Variants in C20orf203 observed in about 807,000 individuals in gnomAD.
The protein encoded by C20orf203 is chromosome 20 open reading frame 203.
C20orf203 carries 16 observed loss-of-function variants against 15.9 expected under a neutral mutation model. The ratio of observed to expected loss-of-function variants is 1.01; its 90% confidence interval spans 0.68 to 1.53. C20orf203 has a LOEUF of 1.53. Ranked by LOEUF, C20orf203 falls within the 40% of genes most tolerant of loss-of-function variation. The pLI, the probability that C20orf203 is intolerant of heterozygous loss-of-function variation, is 0.00. For missense variants in C20orf203, 263 were observed against 247.5 expected, an observed-to-expected ratio of 1.06 and a Z score of -0.42; for synonymous variants, 98 against 97.2, an observed-to-expected ratio of 1.01 and a Z score of -0.05.
chr20:32,637,271 G>A (rs1198461375), intron 5 of C20orf203, among the ~76,000 whole-genome samples: 1 of 152,150 alleles, frequency 6.6e-6, no homozygotes, highest in African/African-American at 2.4e-5. Context: ...AAATTAGCTG[G>A]GCGTGGTGGC....
intron 1 of C20orf203, among the ~76,000 whole-genome samples, chr20:32,654,506 T>C (rs1338192201): frequency 6.6e-6 from 1 of 152,106 alleles, no homozygotes; most frequent in Non-Finnish European, 1.5e-5. Flanking sequence ...AAAATTCATA[T>C]GGAAATTTAA....
chr20:32,643,625 C>CACACA (rs1982342367), intron 4 of C20orf203, among the ~76,000 whole-genome samples: 1 of 140,742 alleles, frequency 7.1e-6, no homozygotes, highest in African/African-American at 2.7e-5. Flanking sequence ...CTTCCTGGAA[C>CACACA]CACACACACA....
rs568042786 is a variant in C20orf203 at position 32,632,648 on chromosome 20, C to T, written c.*2922G>A. ...CGGGACCGCCTCGTTCTTTTTCATG[C>T]CTAGAATTCCATGGCATGCAAAAGT... On this transcript the variant is annotated 3_prime_UTR_variant, in exon 6 of 6. Transcript: ENST00000608990. 6.6e-6 allele frequency: 1 copy of T among 152,124 alleles called. No homozygotes were observed. The highest frequency in any genetic ancestry group is 1.5e-5 in the Non-Finnish European group (1 of 68,034). 9.4% of individuals were successfully genotyped at this position (152,124 alleles called of 1,614,324 possible).
At chr20:32,640,207 C>T (rs1982242728) in intron 5 of C20orf203, among the ~76,000 whole-genome samples, 1 of 152,124 alleles carries the variant, frequency 6.6e-6, no homozygotes, top group Non-Finnish European at 1.5e-5. Flanking sequence ...CAGTAGTTAT[C>T]CCTAGGTGAT....
chr20:32,653,016 G>A (rs1206779429), intron 1 of C20orf203, among the ~76,000 whole-genome samples: 1 of 152,184 alleles, frequency 6.6e-6, no homozygotes, highest in Admixed American at 6.5e-5. Flanking sequence ...AGCACAGCCA[G>A]CAGCTCCTGG....
intron 1 of C20orf203, among the ~76,000 whole-genome samples, chr20:32,652,736 TG>T (rs533099671): frequency 6.6e-6 from 1 of 151,994 alleles, no homozygotes; most frequent in African/African-American, 2.4e-5. Context: ...CGCACCAGTT[TG>T]GGGGGCTTCC....
chr20:32,665,989 C>T lies in C20orf203; in HGVS notation c.-264+7643G>A, dbSNP rs575130333. Among the ~76,000 whole-genome samples, 529 of 151,074 alleles carry T rather than the reference C, an allele frequency of 3.5e-3. 11 individuals are homozygous for T. The highest frequency in any genetic ancestry group is 0.01 in the Middle Eastern group (3 of 294). On this transcript the variant is annotated intron_variant, in intron 1 of 5. Transcript: ENST00000608990. ...TTTTAAAAGATGAAGTGAAATTAGC[C>T]GGGTGTGCTGGCGCATGCCTGTAGT... is the stretch of plus-strand genomic sequence containing the variant.
chr20:32,665,194 C>G (rs1224691099), intron 1 of C20orf203, among the ~76,000 whole-genome samples: 1 of 152,198 alleles, frequency 6.6e-6, no homozygotes, highest in East Asian at 1.9e-4. Context: ...GGGTTCTGCT[C>G]AGAGGATTCT....
At chr20:32,673,367 G>A (rs1350170032) in intron 1 of C20orf203, among the ~76,000 whole-genome samples, 2 of 152,286 alleles carry the variant, frequency 1.3e-5, no homozygotes, top group Admixed American at 6.5e-5. Flanking sequence ...AGAGCACAGG[G>A]CGGAAGTGGC....
chr20:32,640,873 C>T (rs1288917823), intron 4 of C20orf203, among the ~76,000 whole-genome samples, 186 bp from the exon 5 acceptor site: 5 of 152,178 alleles, frequency 3.3e-5, no homozygotes, highest in Non-Finnish European at 5.9e-5. Flanking sequence ...ACATTTCATA[C>T]AAATGGATTC....
At chr20:32,646,595 G>T (rs575924778) in intron 4 of C20orf203, among the ~76,000 whole-genome samples, 2 of 152,272 alleles carry the variant, frequency 1.3e-5, no homozygotes, top group Middle Eastern at 6.8e-3. Context: ...TGGTCAAGAT[G>T]GGGCTGTCTA....
rs75922877 is a variant in C20orf203 at position 32,650,897 on chromosome 20, C to T, written c.136-16G>A. The T allele has an allele frequency of 4.0e-3, 5,828 of 1,445,198 alleles. 217 individuals carry two copies. The African/African-American group carries it at 0.073, about 18-fold the overall frequency. 89.5% of individuals were successfully genotyped at this position (1,445,198 alleles called of 1,614,324 possible). A position where few individuals can be genotyped will look rare whatever the true frequency, so the allele number is the denominator to read the frequency against. ...CTGATGTGGCCTGTTGGGAACAAGGCCCCCAAGAAGATCATAGAATCTTAG... is the reference window on the plus strand; with the variant it reads ...CTGATGTGGCCTGTTGGGAACAAGGTCCCCAAGAAGATCATAGAATCTTAG... On this transcript the variant is annotated splice_polypyrimidine_tract_variant and intron_variant, in intron 3 of 5. Coordinates refer to ENST00000608990, the MANE Select transcript of C20orf203 (RefSeq NM_182584.4).
intron 4 of C20orf203, among the ~76,000 whole-genome samples, chr20:32,642,769 T>C (rs955320008): frequency 5.3e-5 from 8 of 152,156 alleles, no homozygotes; most frequent in Non-Finnish European, 1.2e-4. Flanking sequence ...GGCGCCTGCA[T>C]CTTGAACACC....
intron 5 of C20orf203, among the ~76,000 whole-genome samples, chr20:32,636,047 C>T (rs545451716): frequency 3.9e-5 from 6 of 152,136 alleles, no homozygotes; most frequent in Non-Finnish European, 8.8e-5. Context: ...AGCCCCCAGG[C>T]CCCCCTCAGG....
At chr20:32,671,840 CAAAAA>C (rs869043468) in intron 1 of C20orf203, among the ~76,000 whole-genome samples, 2 of 66,308 alleles carry the variant, frequency 3.0e-5, no homozygotes, top group Non-Finnish European at 5.2e-5. Flanking sequence ...ACTCTGTCTC[CAAAAA>C]AAAAAAAAAA....
chr20:32,653,114 C>G (rs949886592), intron 1 of C20orf203, among the ~76,000 whole-genome samples: 4 of 152,168 alleles, frequency 2.6e-5, no homozygotes, highest in African/African-American at 9.7e-5. Context: ...GGTGGCTCCT[C>G]TGGGCAGTGG....
chr20:32,652,760 A>T (rs1347935860), intron 1 of C20orf203, among the ~76,000 whole-genome samples: 1 of 152,032 alleles, frequency 6.6e-6, no homozygotes, highest in Non-Finnish European at 1.5e-5. Flanking sequence ...CTGCTGGGCA[A>T]TTTGGTGGGG....
intron 4 of C20orf203, among the ~76,000 whole-genome samples, chr20:32,646,597 G>T (rs1982440667): frequency 6.6e-6 from 1 of 152,164 alleles, no homozygotes; most frequent in Non-Finnish European, 1.5e-5. Context: ...GTCAAGATGG[G>T]GCTGTCTAGG....
rs34933326 is a variant in C20orf203, at chr20:32,666,797, T to TTATATATATATATATATATA, written c.-264+6815_-264+6834dup. On this transcript the variant is annotated intron_variant, in intron 1 of 5. Coordinates refer to ENST00000608990, the MANE Select transcript of C20orf203 (RefSeq NM_182584.4). The stretch of plus-strand genomic sequence containing the variant: ...AAAAAAAGATGAAATTAATTTTAAT[T>TTATATATATATATATATATA]TATATATATATATATATATATATAT... Among the ~76,000 whole-genome samples the TTATATATATATATATATATA allele has an allele frequency of 4.5e-3, 292 of 65,470 alleles. 4 individuals carry two copies. The highest frequency in any genetic ancestry group is 6.9e-3 in the Non-Finnish European group (193 of 27,898). The allele number at this position is 65,470 out of a possible 152,430, so 43.0% of individuals were successfully genotyped here. A position where few individuals can be genotyped will look rare whatever the true frequency, so the allele number is the denominator to read the frequency against.
Sources: allele counts gnomAD v4.1 joint callset (sites outside exome capture counted in the v4.1 genomes callset), GRCh38; gene constraint gnomAD v4.1.1; transcripts MANE v1.5; gene names NCBI Gene and HGNC (gene_info 2026-07-23, HGNC 2026-07-21).